Variants in SGMS1 observed in about 807,000 individuals in gnomAD.
The protein encoded by SGMS1 is sphingomyelin synthase 1.
Under a neutral mutation model 46.2 loss-of-function variants are expected in SGMS1, and 13 were observed. The observed-to-expected ratio is 0.28, with a 90% CI of 0.18 to 0.45. SGMS1 has a LOEUF of 0.45. Among genes scored for constraint, SGMS1 ranks in the 20% least tolerant of loss-of-function variants. The pLI is 1.00. For missense variants in SGMS1, 324 were observed against 519.9 expected (o/e 0.62, Z 3.66); for synonymous variants, 203 against 187.8 (o/e 1.08, Z -0.66).
At chr10:50,615,465 T>G (rs1838787974) in intron 1 of SGMS1, among the ~76,000 whole-genome samples, 1 of 151,924 alleles carries the variant, frequency 6.6e-6, no homozygotes, top group African/African-American at 2.4e-5. Flanking sequence ...TACCAGAGAG[T>G]TGGGGAAACT....
chr10:50,572,667 C>A (rs562257640), intron 2 of SGMS1, among the ~76,000 whole-genome samples: 1 of 152,008 alleles, frequency 6.6e-6, no homozygotes, highest in Non-Finnish European at 1.5e-5. Context: ...ATGCCTTTGC[C>A]AAAATAAATA....
At chr10:50,405,718 T>C (rs1302523844) in intron 6 of SGMS1, among the ~76,000 whole-genome samples, 3 of 152,142 alleles carry the variant, frequency 2.0e-5, no homozygotes, top group African/African-American at 4.8e-5. Flanking sequence ...TGAGATAAAA[T>C]CCCAAATTGA....
chr10:50,552,616 T>C (rs1385980332), intron 2 of SGMS1, among the ~76,000 whole-genome samples: 1 of 152,246 alleles, frequency 6.6e-6, no homozygotes. Flanking sequence ...ACGTTAAGCA[T>C]ACTCCTACAA....
rs115999761 is a variant in SGMS1 at position 50,544,416 on chromosome 10, A to G, written c.-588-24495T>C. 1.7e-3 allele frequency among the ~76,000 whole-genome samples: 253 copies of G among 152,320 alleles called. 1 individual carries two copies. The highest frequency in any genetic ancestry group is 5.0e-3 in the African/African-American group (206 of 41,564). On this transcript the variant is annotated intron_variant, in intron 2 of 10. Coordinates refer to ENST00000361781, the MANE Select transcript of SGMS1 (RefSeq NM_147156.4). ...TATTTAATGCTACATTAACCAGGAC[A>G]TTATCTTGCTTCGGTGAAGGCAAAC...
intron 2 of SGMS1, among the ~76,000 whole-genome samples, chr10:50,587,060 A>G (rs934939880): frequency 4.6e-5 from 7 of 152,250 alleles, no homozygotes; most frequent in African/African-American, 1.7e-4. Context: ...TCTGCATTAT[A>G]TATTACACAC....
At chr10:50,341,545 A>C (rs1187829908) in intron 7 of SGMS1, 2 of 421,158 alleles carry the variant, frequency 4.7e-6, no homozygotes, top group South Asian at 1.7e-5. Flanking sequence ...TTATGTTAGA[A>C]TCTAATAAAA....
At chr10:50,584,934 G>T (rs955303852) in intron 2 of SGMS1, among the ~76,000 whole-genome samples, 12 of 152,138 alleles carry the variant, frequency 7.9e-5, no homozygotes, top group African/African-American at 2.7e-4. Context: ...CCTTTACATT[G>T]GTCTGAGGAC....
chr10:50,453,124 A>G (rs1170746357), intron 5 of SGMS1, among the ~76,000 whole-genome samples: 3 of 152,168 alleles, frequency 2.0e-5, no homozygotes, highest in Admixed American at 2.0e-4. Flanking sequence ...AGAGACCATC[A>G]GTGAGAGCCA....
chr10:50,385,455 C>T (rs1848668748), intron 6 of SGMS1, among the ~76,000 whole-genome samples: 1 of 152,052 alleles, frequency 6.6e-6, no homozygotes, highest in South Asian at 2.1e-4. Context: ...CTTCAGTGTA[C>T]CACAAAAACA....
At chr10:50,569,926 C>A (rs1398620309) in intron 2 of SGMS1, among the ~76,000 whole-genome samples, 1 of 152,126 alleles carries the variant, frequency 6.6e-6, no homozygotes, top group Non-Finnish European at 1.5e-5. Flanking sequence ...CTGCATCTGG[C>A]ACCTAGCAGG....
chr10:50,569,317 AG>A (rs1838317541), intron 2 of SGMS1, among the ~76,000 whole-genome samples: 1 of 150,618 alleles, frequency 6.6e-6, no homozygotes, highest in South Asian at 2.1e-4. Flanking sequence ...AAAAAAAAAA[AG>A]AGTGGTTTAG....
intron 1 of SGMS1, among the ~76,000 whole-genome samples, chr10:50,610,500 T>G (rs10160082): frequency 0.039 from 5,923 of 152,236 alleles, 394 homozygotes; most frequent in African/African-American, 0.13. Context: ...AAATGAGGCT[T>G]GAGAAACTCC....
At chr10:50,371,996 C>T (rs1331165280) in intron 6 of SGMS1, among the ~76,000 whole-genome samples, 7 of 152,290 alleles carry the variant, frequency 4.6e-5, no homozygotes, top group Middle Eastern at 3.4e-3. Flanking sequence ...GTTTCCAACA[C>T]GTGAACTCTG....
chr10:50,411,582 A>T (rs1849101978), intron 6 of SGMS1, among the ~76,000 whole-genome samples: 1 of 152,242 alleles, frequency 6.6e-6, no homozygotes, highest in Admixed American at 6.5e-5. Flanking sequence ...CTGAGAAATC[A>T]AAGTGACAGA....
intron 3 of SGMS1, among the ~76,000 whole-genome samples, chr10:50,500,801 A>T (rs1022838920): frequency 1.3e-5 from 2 of 152,234 alleles, no homozygotes; most frequent in East Asian, 3.8e-4. Context: ...GGTTCAAAAC[A>T]TCAGGATGCC....
intron 3 of SGMS1, among the ~76,000 whole-genome samples, chr10:50,500,403 G>A (rs1435382894): frequency 6.6e-6 from 1 of 152,068 alleles, no homozygotes; most frequent in African/African-American, 2.4e-5. Context: ...AAGCAATTGT[G>A]AAAGAAGATA....
chr10:50,615,938 T>C (rs953589666), intron 1 of SGMS1, among the ~76,000 whole-genome samples: 4 of 152,148 alleles, frequency 2.6e-5, no homozygotes, highest in African/African-American at 9.7e-5. Context: ...GACTGTAAAA[T>C]TCTTTGGAAG....
intron 2 of SGMS1, among the ~76,000 whole-genome samples, chr10:50,533,069 GA>G (rs1409934902): frequency 6.6e-6 from 1 of 151,822 alleles, no homozygotes; most frequent in African/African-American, 2.4e-5. Context: ...TGATCTTCAT[GA>G]AAAAAAATGC....
chr10:50,321,853 G>A (rs76591781), intron 8 of SGMS1, among the ~76,000 whole-genome samples: 5,000 of 152,270 alleles, frequency 0.033, 90 homozygotes, highest in South Asian at 0.067. Flanking sequence ...CAATGAGTCT[G>A]TTGCCTTATA....
Sources: allele counts gnomAD v4.1 joint callset (sites outside exome capture counted in the v4.1 genomes callset), GRCh38; gene constraint gnomAD v4.1.1; transcripts MANE v1.5; gene names NCBI Gene and HGNC (gene_info 2026-07-23, HGNC 2026-07-21).